Variants in UBXN2A observed in about 807,000 individuals in gnomAD.
UBXN2A encodes the protein UBX domain-containing protein 2A.
A neutral mutation model predicts 28.4 loss-of-function variants in UBXN2A; 28 were observed. The ratio of observed to expected loss-of-function variants is 0.99; its 90% CI spans 0.73 to 1.35. The LOEUF (loss-of-function observed/expected upper bound fraction) is 1.35, where lower values mean the gene tolerates loss of function less well. Among genes scored for constraint, UBXN2A ranks in the 40% most tolerant of loss-of-function variants. The pLI is 0.00. For missense variants in UBXN2A, 253 were observed against 297.9 expected, an observed-to-expected ratio of 0.85 and a Z score of 1.11; for synonymous variants, 97 against 103.6, an observed-to-expected ratio of 0.94 and a Z score of 0.39.
At chr2:23,992,388 A>C (rs1010113687) in intron 6 of UBXN2A, among the ~76,000 whole-genome samples, 1 of 152,216 alleles carries the variant, frequency 6.6e-6, no homozygotes, top group Non-Finnish European at 1.5e-5. Context: ...ATTGGAGGGC[A>C]AAAGGGGTAT....
intron 6 of UBXN2A, among the ~76,000 whole-genome samples, chr2:23,986,861 G>A (rs1708152727): frequency 6.6e-6 from 1 of 152,114 alleles, no homozygotes; most frequent in African/African-American, 2.4e-5. Context: ...ACCCACCTCG[G>A]CCTCCCAAGG....
At chr2:23,983,964 C>A (rs1293146570) in intron 5 of UBXN2A, among the ~76,000 whole-genome samples, 6 of 152,222 alleles carry the variant, frequency 3.9e-5, no homozygotes, top group Admixed American at 3.9e-4. Flanking sequence ...GTGTGAGCCA[C>A]CGCACCCAGC....
intron 4 of UBXN2A, among the ~76,000 whole-genome samples, chr2:23,978,678 T>C (rs577830759): frequency 4.0e-5 from 6 of 148,402 alleles, no homozygotes; most frequent in African/African-American, 1.5e-4. Flanking sequence ...AGAAAAAAAA[T>C]TGTAGCTGGG....
chr2:23,975,282 A>G lies in UBXN2A; in HGVS notation c.181-1687A>G, dbSNP rs1362694377. Among the ~76,000 whole-genome samples, 5 of 152,200 alleles carry G rather than the reference A, an allele frequency of 3.3e-5. No homozygotes were observed. The East Asian group carries it at 7.7e-4, about 23-fold the overall frequency. On this transcript the variant is annotated intron_variant, in intron 3 of 6. Transcript: ENST00000309033. The stretch of plus-strand genomic sequence containing the variant: ...TTCAGATTCCACATTCAGATTCTCA[A>G]CTAACTTTTGAGATACTACTACTAC...
intron 1 of UBXN2A, among the ~76,000 whole-genome samples, chr2:23,953,149 A>T (rs768802588): frequency 6.6e-6 from 1 of 152,202 alleles, no homozygotes; most frequent in Non-Finnish European, 1.5e-5. Context: ...TTAGATTATT[A>T]AGAGTAATTT....
intron 1 of UBXN2A, among the ~76,000 whole-genome samples, chr2:23,934,189 C>G (rs1705458353): frequency 6.6e-6 from 1 of 151,512 alleles, no homozygotes; most frequent in Non-Finnish European, 1.5e-5. Flanking sequence ...CCAGCCTGGG[C>G]AACAGAACAA....
chr2:23,988,402 C>T (rs1708215462), intron 6 of UBXN2A, among the ~76,000 whole-genome samples: 1 of 152,206 alleles, frequency 6.6e-6, no homozygotes, highest in Non-Finnish European at 1.5e-5. Flanking sequence ...GTTGTCGTAT[C>T]TCAGTTTGAA....
At chr2:23,945,980 T>C (rs1016470521) in intron 1 of UBXN2A, among the ~76,000 whole-genome samples, 1 of 151,730 alleles carries the variant, frequency 6.6e-6, no homozygotes, top group Admixed American at 6.6e-5. Flanking sequence ...TATAGGTGTG[T>C]GTTCCCACGT....
rs757236511 is a variant in UBXN2A, at chr2:23,965,081, A to G, written c.42-6195A>G. Among the ~76,000 whole-genome samples, 7 of 152,074 alleles carry G rather than the reference A, an allele frequency of 4.6e-5. No individual in the cohort carries two copies. The East Asian group carries it at 5.8e-4, about 13-fold the overall frequency. On this transcript the variant is annotated intron_variant, in intron 2 of 6. Coordinates refer to ENST00000309033, the MANE Select transcript of UBXN2A (RefSeq NM_181713.4). ...TTTTTTATAGAGATGGGGTCTCCCT[A>G]TGTTGCCCAGGCTGGTCTCAAACTC...
chr2:23,976,306 G>C (rs1573583186), intron 3 of UBXN2A, among the ~76,000 whole-genome samples: 2 of 152,150 alleles, frequency 1.3e-5, no homozygotes, highest in African/African-American at 4.8e-5. Flanking sequence ...GACTAGGGGA[G>C]CTCTACTGCT....
chr2:23,995,099 C>G (rs561080015), intron 6 of UBXN2A, among the ~76,000 whole-genome samples: 1 of 152,244 alleles, frequency 6.6e-6, no homozygotes, highest in African/African-American at 2.4e-5. Context: ...AGGAGTTAGC[C>G]AATAACTTAA....
chr2:23,971,211 A>G, intron 2 of UBXN2A, 65 bp from the exon 3 acceptor site: 1 of 1,430,820 alleles, frequency 7.0e-7, no homozygotes, highest in Non-Finnish European at 9.3e-7. Context: ...CTTAACTAGA[A>G]CAAAATAAGT....
At chr2:23,985,938 G>A (rs1413231059) in intron 6 of UBXN2A, among the ~76,000 whole-genome samples, 2 of 152,054 alleles carry the variant, frequency 1.3e-5, no homozygotes, top group African/African-American at 4.8e-5. Context: ...GCAGTGAGCC[G>A]AATTGCACCA....
intron 1 of UBXN2A, among the ~76,000 whole-genome samples, chr2:23,943,183 C>T: frequency 6.6e-6 from 1 of 151,850 alleles, no homozygotes; most frequent in Middle Eastern, 3.2e-3. Flanking sequence ...TCTCGAACTC[C>T]AGACCTTCTG....
At chr2:23,972,094 G>T (rs527488104) in intron 3 of UBXN2A, among the ~76,000 whole-genome samples, 1 of 152,180 alleles carries the variant, frequency 6.6e-6, no homozygotes, top group East Asian at 1.9e-4. Context: ...GTGAGACCCT[G>T]ACTGATAAGG....
Position 24,002,413 on chromosome 2 carries a change from TAAC to T in UBXN2A, c.*2547_*2549del, listed in dbSNP as rs1185598020. On this transcript the variant is annotated 3_prime_UTR_variant, in exon 7 of 7. Coordinates refer to ENST00000309033, the MANE Select transcript of UBXN2A (RefSeq NM_181713.4). ...GAGTAAGACCCTGCCGTAATAATAA[TAAC>T]TTTTTTTTTTTTGAGATAGAGTTTT... The T allele has an allele frequency of 6.9e-6, 1 of 145,248 alleles. No homozygotes were observed. Among genetic ancestry groups the T allele is most frequent in the Non-Finnish European group, 1.5e-5 (1 of 65,680 alleles). The allele number at this position is 145,248 out of a possible 1,614,324, so 9.0% of individuals were successfully genotyped here.
intron 4 of UBXN2A, among the ~76,000 whole-genome samples, chr2:23,981,492 AAAAAAAAAAAAAAAAT>A (rs1320415699): frequency 1.3e-5 from 2 of 149,322 alleles, no homozygotes; most frequent in Non-Finnish European, 1.5e-5. Context: ...AAAAAAAAAA[AAAAAAAAAAAAAAAAT>A]AGAAAAGTGC....
chr2:23,947,652 G>A (rs115540400), intron 1 of UBXN2A, among the ~76,000 whole-genome samples: 5,840 of 152,148 alleles, frequency 0.038, 108 homozygotes, highest in Admixed American at 0.046. Context: ...ACTTTGTGGT[G>A]TCTCCATGTT....
intron 2 of UBXN2A, among the ~76,000 whole-genome samples, chr2:23,963,065 C>T (rs556998667): frequency 2.0e-5 from 3 of 152,300 alleles, no homozygotes; most frequent in Admixed American, 6.5e-5. Flanking sequence ...AAAACTATCA[C>T]GTCTCGTGAG....
Sources: allele counts gnomAD v4.1 joint callset (sites outside exome capture counted in the v4.1 genomes callset), GRCh38; gene constraint gnomAD v4.1.1; transcripts MANE v1.5; gene names NCBI Gene and HGNC (gene_info 2026-07-23, HGNC 2026-07-21).